ANKRD44: variants seen among roughly 807,000 people sequenced by gnomAD.
ANKRD44 encodes the protein ankyrin repeat domain 44.
In ANKRD44, 35 loss-of-function variants were observed where a neutral mutation model predicts 116.0. That is an observed-to-expected ratio of 0.30 (90% CI 0.23 to 0.40). The LOEUF (loss-of-function observed/expected upper bound fraction) is 0.40, where lower values mean the gene tolerates loss of function less well. ANKRD44 is among the 10% of genes least tolerant of loss of function. ANKRD44 has a pLI of 1.00. For synonymous variants in ANKRD44, 435 were observed against 461.8 expected, an observed-to-expected ratio of 0.94 and a Z score of 0.74; for missense variants, 1,014 against 1,242.6, an observed-to-expected ratio of 0.82 and a Z score of 2.77.
chr2:197,284,913 A>T (rs1376523369), intron 1 of ANKRD44, among the ~76,000 whole-genome samples: 1 of 151,468 alleles, frequency 6.6e-6, no homozygotes, highest in African/African-American at 2.4e-5. Context: ...ATTTTTTTTT[A>T]CATTATTCAA....
At chr2:197,263,918 C>T (rs2697280) in intron 1 of ANKRD44, among the ~76,000 whole-genome samples, 125,639 of 152,032 alleles carry the variant, frequency 0.83, 52,030 homozygotes, top group South Asian at 0.9. Context: ...TTCTGGCTAA[C>T]GGAATAAGAT....
intron 25 of ANKRD44, among the ~76,000 whole-genome samples, chr2:196,995,813 T>G (rs548540906): frequency 6.6e-6 from 1 of 152,324 alleles, no homozygotes; most frequent in South Asian, 2.1e-4. Flanking sequence ...TCCTATAACA[T>G]TTAGCATACA....
At chr2:197,125,010 G>C (rs2078942890) in intron 6 of ANKRD44, among the ~76,000 whole-genome samples, 1 of 152,154 alleles carries the variant, frequency 6.6e-6, no homozygotes, top group Non-Finnish European at 1.5e-5. Flanking sequence ...AATTTAAAAA[G>C]ACGAATGGAA....
chr2:197,211,922 C>T (rs2081333714), intron 1 of ANKRD44, among the ~76,000 whole-genome samples: 1 of 152,048 alleles, frequency 6.6e-6, no homozygotes, highest in Admixed American at 6.6e-5. Flanking sequence ...CACCTCGGGA[C>T]TCCAATCACT....
intron 1 of ANKRD44, among the ~76,000 whole-genome samples, chr2:197,282,680 C>T (rs1360296783): frequency 1.3e-5 from 2 of 152,096 alleles, no homozygotes; most frequent in Non-Finnish European, 2.9e-5. Flanking sequence ...CCCTCCAGGC[C>T]GGGTGTGGTG....
chr2:197,001,017 G>A (rs1228735332), intron 22 of ANKRD44, among the ~76,000 whole-genome samples: 1 of 152,218 alleles, frequency 6.6e-6, no homozygotes, highest in African/African-American at 2.4e-5. Flanking sequence ...CAGCCTAGGC[G>A]ACAGAGCGAG....
chr2:196,996,406 T>C (rs909111132), intron 25 of ANKRD44, among the ~76,000 whole-genome samples: 6 of 152,232 alleles, frequency 3.9e-5, no homozygotes, highest in African/African-American at 1.4e-4. Flanking sequence ...CTGAGACTAC[T>C]GGTACCATAT....
intron 2 of ANKRD44, among the ~76,000 whole-genome samples, chr2:197,176,379 C>T (rs545569964): frequency 1.4e-4 from 21 of 152,288 alleles, no homozygotes; most frequent in African/African-American, 5.1e-4. Context: ...TCCCTAACCA[C>T]ACCTTATAAA....
In ANKRD44 at chr2:197,136,657, G is replaced by A. The variant is rs925366258; in HGVS notation, c.196C>T (p.Arg66Cys). The A allele has an allele frequency of 1.9e-6, 3 of 1,613,972 alleles. No individual in the cohort carries two copies. The highest frequency in any genetic ancestry group is 2.5e-6 in the Non-Finnish European group (3 of 1,179,970). ...CACATGTTGTCCTTGGCATTTACAC[G>A]AGCTCCTGGAATCAAACAGCACAAG... ...IIELLILSGA[R>C]VNAKDNMWLT... The change falls in exon 4 of 28, where the codon CGT becomes TGT. Residue 66 changes from arginine (R) to cysteine (C), a missense_variant. Physicochemically the swap from Arg to Cys is radical, Grantham distance 180. Transcript: ENST00000282272.
chr2:197,099,782 G>A (rs1170089408), intron 10 of ANKRD44, 34 bp downstream of exon 10: 3 of 1,612,394 alleles, frequency 1.9e-6, no homozygotes, highest in East Asian at 2.2e-5. Flanking sequence ...CCCACTTGAG[G>A]CAATTATTCC....
rs1368654726 is a variant in ANKRD44 at position 197,197,662 on chromosome 2, T to A, written c.28-10556A>T. Among the ~76,000 whole-genome samples the A allele has an allele frequency of 7.9e-5, 12 of 151,666 alleles. No homozygotes were observed. In the East Asian group the frequency reaches 2.1e-3, roughly 27 times the overall value. On this transcript the variant is annotated intron_variant, in intron 1 of 27. Coordinates refer to ENST00000282272, the MANE Select transcript of ANKRD44 (RefSeq NM_001195144.2). ...ACATCTCCACTAAAAATGCAAAAAT[T>A]AGCTGGGCACGGTGGCGCACACCTG...
intron 17 of ANKRD44, among the ~76,000 whole-genome samples, chr2:197,023,998 G>A (rs2076545367): frequency 6.6e-6 from 1 of 152,222 alleles, no homozygotes; most frequent in East Asian, 1.9e-4. Context: ...CAGAGGACGT[G>A]TGAGTGGGTG....
chr2:197,111,263 G>A (rs111899660), intron 8 of ANKRD44, among the ~76,000 whole-genome samples: 22 of 152,066 alleles, frequency 1.4e-4, no homozygotes, highest in African/African-American at 5.1e-4. Flanking sequence ...TTTGTCTATA[G>A]TACACAAAAA....
chr2:196,976,793 A>T (rs1211404801), intron 21 of ANKRD44, among the ~76,000 whole-genome samples: 3 of 152,008 alleles, frequency 2.0e-5, no homozygotes, highest in Non-Finnish European at 2.9e-5. Context: ...ACCTGAGCCC[A>T]GGAAGTCGAG....
At chr2:197,160,480 T>G (rs1317691722) in intron 2 of ANKRD44, among the ~76,000 whole-genome samples, 4 of 152,110 alleles carry the variant, frequency 2.6e-5, no homozygotes, top group African/African-American at 9.7e-5. Flanking sequence ...GCCTGCCTCC[T>G]CTCCCCTCCA....
At chr2:197,096,813 A>G (rs757952702) in intron 10 of ANKRD44, among the ~76,000 whole-genome samples, 2 of 152,110 alleles carry the variant, frequency 1.3e-5, no homozygotes, top group South Asian at 2.1e-4. Flanking sequence ...ATCTTCTCCA[A>G]TTACTCTTCC....
intron 16 of ANKRD44, among the ~76,000 whole-genome samples, chr2:197,068,613 G>GAA (rs1370189445): frequency 6.6e-6 from 1 of 151,724 alleles, no homozygotes; most frequent in Non-Finnish European, 1.5e-5. Flanking sequence ...AAATTTACAA[G>GAA]AAAAAAACAA....
intron 3 of ANKRD44, among the ~76,000 whole-genome samples, chr2:197,140,439 C>T (rs996927814): frequency 2.6e-5 from 4 of 152,166 alleles, no homozygotes; most frequent in African/African-American, 7.2e-5. Context: ...CTGCCTCAGC[C>T]TCCAGAGTAG....
In ANKRD44 at chr2:197,056,283, CA is replaced by C. The variant is rs139857438; in HGVS notation, c.1650+22419del. Reference sequence around the variant, plus strand: ...TAAAATCAGCTTTTCAATTTACACACAAAAAAAAAACCCTGCTGGGATTTTG... The same window carrying C: ...TAAAATCAGCTTTTCAATTTACACACAAAAAAAAACCCTGCTGGGATTTTG... On this transcript the variant is annotated intron_variant, in intron 16 of 27. Coordinates refer to ENST00000282272, the MANE Select transcript of ANKRD44 (RefSeq NM_001195144.2). Among the ~76,000 whole-genome samples the C allele has an allele frequency of 2.8e-4, 41 of 145,874 alleles. No homozygotes were observed. The East Asian group carries it at 3.2e-3, about 11-fold the overall frequency.
Sources: gnomAD v4.1 joint callset for allele counts (sites outside exome capture counted in the v4.1 genomes callset) on GRCh38, gnomAD v4.1.1 for gene constraint, MANE v1.5 for transcripts, NCBI Gene and HGNC (gene_info 2026-07-23, HGNC 2026-07-21) for gene names.